Variants in LINGO2 observed in about 807,000 individuals in gnomAD.
LINGO2 encodes leucine rich repeat and Ig domain containing 2, also known as leucine-rich repeat and immunoglobulin-like domain-containing nogo receptor-interacting protein 2.
Under a neutral mutation model 30.6 loss-of-function variants are expected in LINGO2, and 14 were observed. That is an observed-to-expected ratio of 0.46 (90% CI 0.30 to 0.72). LINGO2 has a LOEUF of 0.72. Ranked by LOEUF, LINGO2 falls within the 30% of genes least tolerant of loss-of-function variation. The pLI is 0.07. For missense variants in LINGO2, 729 were observed against 751.7 expected (o/e 0.97, Z 0.35); for synonymous variants, 317 against 288.5 (o/e 1.10, Z -1.00).
At chr9:28,590,363 C>A (rs1408069700) in intron 1 of LINGO2, among the ~76,000 whole-genome samples, 1 of 152,006 alleles carries the variant, frequency 6.6e-6, no homozygotes, top group East Asian at 1.9e-4. Context: ...TCAGAGTGAA[C>A]AGGCAACCTA....
chr9:29,152,041 T>C, the LINGO2 span, among the ~76,000 whole-genome samples: 1 of 151,980 alleles, frequency 6.6e-6, no homozygotes, highest in Non-Finnish European at 1.5e-5. Context: ...GACATACAAG[T>C]GGCCAACAAA....
intron 2 of LINGO2, among the ~76,000 whole-genome samples, chr9:28,424,631 T>C (rs1452031455): frequency 6.6e-6 from 1 of 152,192 alleles, no homozygotes; most frequent in Non-Finnish European, 1.5e-5. Context: ...TTAATTAACA[T>C]GTAAGCCGAC....
intron 4 of LINGO2, among the ~76,000 whole-genome samples, chr9:28,134,436 A>G (rs147141856): frequency 6.6e-6 from 1 of 152,380 alleles, no homozygotes; most frequent in Non-Finnish European, 1.5e-5. Flanking sequence ...TTCAATTTGC[A>G]GAAACGTTAG....
chr9:28,884,966 TA>T, the LINGO2 span, among the ~76,000 whole-genome samples: 10 of 15,134 alleles, frequency 6.6e-4, no homozygotes, highest in East Asian at 1.9e-3. Context: ...ATATTTTATA[TA>T]TATAATATAT....
intron 4 of LINGO2, among the ~76,000 whole-genome samples, chr9:28,119,257 C>T (rs1232959424): frequency 1.3e-5 from 2 of 152,240 alleles, no homozygotes; most frequent in East Asian, 3.9e-4. Flanking sequence ...CCTCAGCCTC[C>T]TGAGTAGCTG....
At chr9:28,466,340 TA>T (rs1825302371) in intron 2 of LINGO2, among the ~76,000 whole-genome samples, 1 of 152,168 alleles carries the variant, frequency 6.6e-6, no homozygotes, top group Non-Finnish European at 1.5e-5. Context: ...CAGAGGTCAT[TA>T]TGCTAAATGA....
rs1253960502 is a variant in LINGO2 at position 28,192,794 on chromosome 9, T to C, written c.-87+102414A>G. On this transcript the variant is annotated intron_variant, in intron 4 of 5. Coordinates refer to ENST00000379992, the Ensembl canonical transcript of LINGO2. ...GGGTTCTCTTTGACACAGTACTATA[T>C]GTACATAAAGAAAAAATATTTGATG... Among the ~76,000 whole-genome samples the C allele has an allele frequency of 7.2e-5, 11 of 152,202 alleles. No homozygotes were observed. In the East Asian group the frequency reaches 9.6e-4, roughly 13 times the overall value.
the LINGO2 span, among the ~76,000 whole-genome samples, chr9:28,860,897 A>T: frequency 6.9e-6 from 1 of 144,376 alleles, no homozygotes; most frequent in Non-Finnish European, 1.5e-5. Context: ...CATTGAAGTT[A>T]AATAAGACTT....
At chr9:29,107,305 C>T in the LINGO2 span, among the ~76,000 whole-genome samples, 2 of 152,014 alleles carry the variant, frequency 1.3e-5, no homozygotes, top group African/African-American at 4.8e-5. Flanking sequence ...TGATTTTTCT[C>T]TATATTACAT....
chr9:28,843,627 G>A, the LINGO2 span, among the ~76,000 whole-genome samples: 1 of 151,768 alleles, frequency 6.6e-6, no homozygotes, highest in African/African-American at 2.4e-5. Context: ...GAGGGATGGA[G>A]GGAGTAGATC....
chr9:28,547,578 T>G (rs1234843497), intron 1 of LINGO2, among the ~76,000 whole-genome samples: 1 of 152,178 alleles, frequency 6.6e-6, no homozygotes, highest in Non-Finnish European at 1.5e-5. Flanking sequence ...GAACATATGT[T>G]ATTTTCATTT....
At chr9:28,660,793 C>A (rs1828554817) in intron 1 of LINGO2, among the ~76,000 whole-genome samples, 1 of 151,626 alleles carries the variant, frequency 6.6e-6, no homozygotes, top group African/African-American at 2.4e-5. Context: ...TCAATAAAAC[C>A]AATAAAAAAG....
At chr9:28,521,231 A>G (rs950473748) in intron 1 of LINGO2, among the ~76,000 whole-genome samples, 1 of 152,186 alleles carries the variant, frequency 6.6e-6, no homozygotes, top group African/African-American at 2.4e-5. Flanking sequence ...AAATGCTGCT[A>G]TTTTTGATAA....
intron 4 of LINGO2, among the ~76,000 whole-genome samples, chr9:28,141,341 G>C (rs540093488): frequency 8.5e-5 from 13 of 152,318 alleles, no homozygotes; most frequent in Non-Finnish European, 1.6e-4. Flanking sequence ...TGTGGTGTGG[G>C]AACGTTGGTG....
At chr9:28,959,257 G>A in the LINGO2 span, among the ~76,000 whole-genome samples, 1 of 152,028 alleles carries the variant, frequency 6.6e-6, no homozygotes, top group Admixed American at 6.6e-5. Flanking sequence ...ATTAGAAGAT[G>A]GGAGGAAGAA....
At chr9:29,180,951 G>A in the LINGO2 span, among the ~76,000 whole-genome samples, 1 of 152,146 alleles carries the variant, frequency 6.6e-6, no homozygotes, top group Non-Finnish European at 1.5e-5. Context: ...TGTAAAATTG[G>A]TTGGGATTTT....
the LINGO2 span, among the ~76,000 whole-genome samples, chr9:29,149,448 C>T: frequency 6.6e-6 from 1 of 151,618 alleles, no homozygotes; most frequent in African/African-American, 2.4e-5. Context: ...GAGAAAACAC[C>T]AAGAGTTGAT....
chr9:28,839,091 T>A, the LINGO2 span, among the ~76,000 whole-genome samples: 1 of 152,188 alleles, frequency 6.6e-6, no homozygotes, highest in African/African-American at 2.4e-5. Context: ...GGTGTCACAG[T>A]CCTGGCTCAA....
At chr9:28,778,554 T>C in the LINGO2 span, among the ~76,000 whole-genome samples, 1 of 152,186 alleles carries the variant, frequency 6.6e-6, no homozygotes, top group African/African-American at 2.4e-5. Flanking sequence ...TACTAGAAGT[T>C]CAGAGAAACT....
Sources: gnomAD v4.1 joint callset for allele counts (sites outside exome capture counted in the v4.1 genomes callset) on GRCh38, gnomAD v4.1.1 for gene constraint, MANE v1.5 for transcripts, NCBI Gene and HGNC (gene_info 2026-07-23, HGNC 2026-07-21) for gene names.